PDZD2: variants seen among roughly 807,000 people sequenced by gnomAD.
The protein encoded by PDZD2 is PDZ domain-containing protein 2.
A neutral mutation model predicts 220.7 loss-of-function variants in PDZD2; 90 were observed. The ratio of observed to expected loss-of-function variants is 0.41; its 90% CI spans 0.34 to 0.49. The LOEUF (loss-of-function observed/expected upper bound fraction) is 0.49, where lower values mean the gene tolerates loss of function less well. PDZD2 is among the 20% of genes least tolerant of loss of function. The pLI is 0.28. For synonymous variants in PDZD2, 1,375 were observed against 1,450.5 expected (o/e 0.95, Z 1.18); for missense variants, 3,174 against 3,608.5 (o/e 0.88, Z 3.08).
chr5:31,716,944 G>A (rs1445592627), intron 1 of PDZD2, among the ~76,000 whole-genome samples: 1 of 152,136 alleles, frequency 6.6e-6, no homozygotes, highest in Non-Finnish European at 1.5e-5. Context: ...GAGGTTGTTG[G>A]GGTGGGGTGG....
chr5:31,933,995 C>A (rs1341164922), intron 2 of PDZD2, among the ~76,000 whole-genome samples: 1 of 152,066 alleles, frequency 6.6e-6, no homozygotes, highest in Non-Finnish European at 1.5e-5. Context: ...AGCAGTAATT[C>A]CCCTTAAAGC....
Position 31,983,450 on chromosome 5 carries a change from C to T in PDZD2, c.772C>T (p.Leu258Phe), listed in dbSNP as rs771696268. The change falls in exon 3 of 25, where the codon CTT becomes TTT. Residue 258 changes from leucine (L) to phenylalanine (F), a missense_variant. Coordinates refer to ENST00000438447, the MANE Select transcript of PDZD2 (RefSeq NM_178140.4). ...GCTGGAGAACGGCCCTGACCCTGAACTTGGAAACGGCCATGTCTTTCAGCT... is the reference window on the plus strand; with the variant it reads ...GCTGGAGAACGGCCCTGACCCTGAATTTGGAAACGGCCATGTCTTTCAGCT... Reference protein sequence around the residue: ...TELENGPDPELGNGHVFQLEN... With the variant: ...TELENGPDPEFGNGHVFQLEN... The T allele has an allele frequency of 6.2e-7, 1 of 1,614,188 alleles. No individual in the cohort carries two copies. Among genetic ancestry groups the T allele is most frequent in the Non-Finnish European group, 8.5e-7 (1 of 1,180,024 alleles).
At chr5:31,960,585 C>G (rs983684242) in intron 2 of PDZD2, among the ~76,000 whole-genome samples, 2 of 152,142 alleles carry the variant, frequency 1.3e-5, no homozygotes, top group African/African-American at 4.8e-5. Flanking sequence ...ACTCTCCTCT[C>G]TCCTCCACCT....
intron 2 of PDZD2, among the ~76,000 whole-genome samples, chr5:31,916,299 A>ATCCAACTG (rs1335589072): frequency 1.3e-5 from 2 of 152,228 alleles, no homozygotes; most frequent in African/African-American, 4.8e-5. Flanking sequence ...AGTTGGCTGT[A>ATCCAACTG]TCCAAGGGTT....
chr5:31,805,395 C>T (rs1206323343), intron 2 of PDZD2, among the ~76,000 whole-genome samples: 1 of 152,096 alleles, frequency 6.6e-6, no homozygotes, highest in Non-Finnish European at 1.5e-5. Flanking sequence ...TCCCACCTAC[C>T]TATGTGAGTT....
Position 31,646,196 on chromosome 5 carries a change from T to C in PDZD2, c.-361+6759T>C, listed in dbSNP as rs1311545524. ...GAACCTGGCTTGTCCTGTTTACACG[T>C]CCTGGGATGTTACTGTAATTCCAGT... On this transcript the variant is annotated intron_variant, in intron 1 of 24. Transcript: ENST00000438447. The surrounding 1 kb of genome is among the most constrained non-coding windows in gnomAD (Gnocchi z 4.7). Among the ~76,000 whole-genome samples, 6 of 152,192 alleles carry C rather than the reference T, an allele frequency of 3.9e-5. No homozygotes were observed. Among genetic ancestry groups the C allele is most frequent in the Non-Finnish European group, 7.3e-5 (5 of 68,038 alleles).
At position 31,799,436 on chromosome 5, in the gene PDZD2, C is replaced by T; in HGVS notation, c.188C>T (p.Pro63Leu). 1 of 1,614,190 alleles carries T rather than the reference C, an allele frequency of 6.2e-7. No homozygotes were observed. The highest frequency in any genetic ancestry group is 8.5e-7 in the Non-Finnish European group (1 of 1,180,030). The change falls in exon 2 of 25, where the codon CCC becomes CTC. Residue 63 changes from proline to leucine, a missense_variant. Transcript: ENST00000438447. ...AGTACGGTCCCACCTGATCACAGCC[C>T]CCCCGAAATGGAGATCTGTACTGTG... is the stretch of plus-strand genomic sequence containing the variant. ...DESTVPPDHS[P>L]PEMEICTVYL...
chr5:31,837,059 A>AGAAAGAAAGAAAG (rs1173857484), intron 2 of PDZD2, among the ~76,000 whole-genome samples: 1 of 151,610 alleles, frequency 6.6e-6, no homozygotes, highest in African/African-American at 2.4e-5. Context: ...AAAGAAATTA[A>AGAAAGAAAGAAAG]AAATAAATAA....
intron 2 of PDZD2, among the ~76,000 whole-genome samples, chr5:31,841,992 T>C (rs987203630): frequency 2.0e-5 from 3 of 151,630 alleles, no homozygotes; most frequent in Admixed American, 6.6e-5. Context: ...GAATAATACC[T>C]AACTCCTAAG....
In PDZD2 at chr5:32,089,127, G is replaced by A; in HGVS notation, c.5679G>A (p.Lys1893=). The A allele has an allele frequency of 6.2e-7, 1 of 1,614,148 alleles. No individual in the cohort carries two copies. The highest frequency in any genetic ancestry group is 8.5e-7 in the Non-Finnish European group (1 of 1,180,016). The stretch of plus-strand genomic sequence containing the variant: ...TGAAGAGGCTCAGCCTCAAGGGCAA[G>A]GCCAAAGTCAACTCTGAGGCCCCTG... ...PKLKRLSLKG[K]AKVNSEAPAA... The change falls in exon 20 of 25, where the codon AAG becomes AAA. Residue 1893 remains lysine (K), a synonymous_variant. Coordinates refer to ENST00000438447, the MANE Select transcript of PDZD2 (RefSeq NM_178140.4).
At chr5:31,683,034 G>C (rs1240318026) in intron 1 of PDZD2, among the ~76,000 whole-genome samples, 1 of 151,800 alleles carries the variant, frequency 6.6e-6, no homozygotes, top group East Asian at 1.9e-4. Flanking sequence ...ATCTCCCCCT[G>C]ACCCCTGCCA....
chr5:32,096,610 C>T (rs1356299140), intron 21 of PDZD2, among the ~76,000 whole-genome samples: 6 of 151,948 alleles, frequency 3.9e-5, no homozygotes, highest in African/African-American at 1.4e-4. Context: ...TGAGCCACTG[C>T]GCCTAGCCAT....
intron 1 of PDZD2, among the ~76,000 whole-genome samples, chr5:31,796,274 C>A (rs1236390786): frequency 6.6e-6 from 1 of 152,088 alleles, no homozygotes; most frequent in African/African-American, 2.4e-5. Context: ...TTGTAAGGAT[C>A]GATGCTGTCT....
At chr5:31,711,309 A>G (rs1748091024) in intron 1 of PDZD2, among the ~76,000 whole-genome samples, 1 of 152,204 alleles carries the variant, frequency 6.6e-6, no homozygotes, top group Non-Finnish European at 1.5e-5. Flanking sequence ...CAGAACATGT[A>G]CTGTGCCCCG....
chr5:31,920,986 C>T (rs942335552), intron 2 of PDZD2, among the ~76,000 whole-genome samples: 3 of 152,196 alleles, frequency 2.0e-5, no homozygotes, highest in South Asian at 2.1e-4. Context: ...CCGTTGTCTG[C>T]GTGTGCCGCG....
At chr5:32,044,077 C>A (rs1446027395) in intron 7 of PDZD2, among the ~76,000 whole-genome samples, 1 of 151,944 alleles carries the variant, frequency 6.6e-6, no homozygotes, top group Non-Finnish European at 1.5e-5. Context: ...GCCTATAATC[C>A]CAGCACTTTG....
At chr5:32,045,495 C>G (rs551353720) in intron 7 of PDZD2, among the ~76,000 whole-genome samples, 31 of 151,056 alleles carry the variant, frequency 2.1e-4, no homozygotes, top group African/African-American at 7.3e-4. Flanking sequence ...GATCTCAACT[C>G]ACTGCAACCT....
intron 2 of PDZD2, among the ~76,000 whole-genome samples, chr5:31,863,323 G>C (rs1737899460): frequency 6.6e-6 from 1 of 152,328 alleles, no homozygotes; most frequent in Non-Finnish European, 1.5e-5. Flanking sequence ...CATTTTGGAA[G>C]CACTGATATT....
At chr5:32,027,106 G>A (rs1754729005) in intron 6 of PDZD2, among the ~76,000 whole-genome samples, 1 of 152,070 alleles carries the variant, frequency 6.6e-6, no homozygotes, top group African/African-American at 2.4e-5. Flanking sequence ...GTTTCACCAT[G>A]TTGGCCAGGC....
Sources: gnomAD v4.1 joint callset for allele counts (sites outside exome capture counted in the v4.1 genomes callset) on GRCh38, gnomAD v4.1.1 for gene constraint, Gnocchi (gnomAD v3.1) non-coding constraint, MANE v1.5 for transcripts, NCBI Gene and HGNC (gene_info 2026-07-23, HGNC 2026-07-21) for gene names.